TP53BP1: variants seen among roughly 807,000 people sequenced by gnomAD.
The protein encoded by TP53BP1 is TP53-binding protein 1.
TP53BP1 carries 61 observed loss-of-function variants against 200.8 expected under a neutral mutation model. The observed-to-expected ratio is 0.30, with a 90% CI of 0.25 to 0.38. TP53BP1 has a LOEUF of 0.38. TP53BP1 is among the 10% of genes least tolerant of loss of function. The pLI is 1.00. For missense variants in TP53BP1, 2,144 were observed against 2,371.9 expected (o/e 0.90, Z 2.00); for synonymous variants, 822 against 844.3 (o/e 0.97, Z 0.46).
intron 8 of TP53BP1, among the ~76,000 whole-genome samples, chr15:43,476,985 T>C (rs940027020): frequency 1.3e-5 from 2 of 152,184 alleles, no homozygotes; most frequent in South Asian, 2.1e-4. Context: ...TATTGAAGAT[T>C]TGAAGACATA....
chr15:43,472,746 T>C (rs1487507832), intron 10 of TP53BP1, among the ~76,000 whole-genome samples: 1 of 152,218 alleles, frequency 6.6e-6, no homozygotes, highest in Non-Finnish European at 1.5e-5. Context: ...TCATTTCAGT[T>C]CAACTTTAAA....
chr15:43,484,541 T>A (rs1483902917), intron 4 of TP53BP1, among the ~76,000 whole-genome samples: 1 of 152,102 alleles, frequency 6.6e-6, no homozygotes, highest in Non-Finnish European at 1.5e-5. Flanking sequence ...AAGAGCCAAA[T>A]TCCTCACAAT....
intron 16 of TP53BP1, 23 bp from the exon 17 acceptor site, chr15:43,432,700 A>G (rs1250439248): frequency 1.9e-6 from 3 of 1,581,894 alleles, no homozygotes; most frequent in East Asian, 4.5e-5. Flanking sequence ...CATATAAAGA[A>G]GCCATGTCAA....
intron 20 of TP53BP1, 36 bp downstream of exon 20, chr15:43,420,989 A>T (rs1368963417): frequency 2.5e-6 from 4 of 1,588,320 alleles, no homozygotes. Context: ...TGTTTTCTGA[A>T]CAACAGACTA....
intron 4 of TP53BP1, among the ~76,000 whole-genome samples, chr15:43,486,320 G>A (rs750478756): frequency 7.2e-5 from 11 of 152,152 alleles, no homozygotes; most frequent in East Asian, 3.9e-4. Context: ...AGGTTGCCGT[G>A]AGCCAAGATC....
At chr15:43,508,117 T>C (rs1361571137) in intron 1 of TP53BP1, among the ~76,000 whole-genome samples, 1 of 152,222 alleles carries the variant, frequency 6.6e-6, no homozygotes, top group Non-Finnish European at 1.5e-5. Context: ...ATTTCAGCAC[T>C]TTGGGAGGCC....
rs202017703 is a variant in TP53BP1, at chr15:43,407,165, G to A, written c.*218C>T. 4.5e-5 allele frequency: 24 copies of A among 530,388 alleles called. No homozygotes were observed. The East Asian group carries it at 7.5e-4, about 17-fold the overall frequency. The allele number at this position is 530,388 out of a possible 1,614,324, so 32.9% of individuals were successfully genotyped here. On this transcript the variant is annotated 3_prime_UTR_variant, in exon 28 of 28. Coordinates refer to ENST00000382044, the MANE Select transcript of TP53BP1 (RefSeq NM_001141980.3). ...AGACTCAGAGAAAGTACTATGTCTT[G>A]TCATTTGTTCTGAGATTAAGCTCAA...
Position 43,409,748 on chromosome 15 carries a change from T to TAAAA in TP53BP1, c.5306-11_5306-8dup. ...GGAGGAATTTCCAAAAATTCTATAT[T>TAAAA]AAAAAAAAAAACCAAGATAATAATT... is the stretch of plus-strand genomic sequence containing the variant. On this transcript the variant is annotated splice_region_variant and splice_polypyrimidine_tract_variant and intron_variant, in intron 24 of 27. Transcript: ENST00000382044. The TAAAA allele has an allele frequency of 8.2e-7, 1 of 1,223,392 alleles. No homozygotes were observed. The highest frequency in any genetic ancestry group is 1.1e-6 in the Non-Finnish European group (1 of 891,378). 75.8% of individuals were successfully genotyped at this position (1,223,392 alleles called of 1,614,324 possible).
At position 43,492,001 on chromosome 15, in the gene TP53BP1, C is replaced by A; in HGVS notation, c.286+1G>T. 1 of 1,611,526 alleles carries A rather than the reference C, an allele frequency of 6.2e-7. No homozygotes were observed. Among genetic ancestry groups the A allele is most frequent in the South Asian group, 1.1e-5 (1 of 91,014 alleles). On this transcript the variant is annotated splice_donor_variant, in intron 3 of 27. Coordinates refer to ENST00000382044, the MANE Select transcript of TP53BP1 (RefSeq NM_001141980.3). LOFTEE classifies it high-confidence loss of function. The stretch of plus-strand genomic sequence containing the variant: ...GGGACAGATAGCTTTAAACACCTCA[C>A]CTGCAACCTTGTTTTCTTTCAAATG...
intron 11 of TP53BP1, among the ~76,000 whole-genome samples, chr15:43,462,151 G>T (rs955806634): frequency 3.9e-5 from 5 of 127,772 alleles, no homozygotes; most frequent in Admixed American, 9.5e-5. Context: ...GACCAACAAG[G>T]TGAAACCCCA....
At position 43,456,548 on chromosome 15, in the gene TP53BP1, T is replaced by C. The variant is rs757091885; in HGVS notation, c.2060A>G (p.Glu687Gly). The part of the protein sequence containing the change: ...CESQGEELKE[E>G]NMESVPLHLS... Reference sequence around the variant, plus strand: ...GTGCAACGGAACACTCTCCATATTTTCTTCTTTGAGTTCCTCTCCTTGACT... The same window carrying C: ...GTGCAACGGAACACTCTCCATATTTCCTTCTTTGAGTTCCTCTCCTTGACT... The change falls in exon 12 of 28, where the codon GAA becomes GGA. Residue 687 changes from glutamate to glycine, a missense_variant. Around this residue, in one of 4 missense-constraint regions of TP53BP1, gnomAD observed 1,700 missense variants for 1,710.3 expected, o/e 0.99. Coordinates refer to ENST00000382044, the MANE Select transcript of TP53BP1 (RefSeq NM_001141980.3). The C allele has an allele frequency of 1.9e-5, 30 of 1,612,256 alleles. No homozygotes were observed. Among genetic ancestry groups the C allele is most frequent in the Non-Finnish European group, 2.5e-5 (29 of 1,179,266 alleles).
At chr15:43,439,402 G>A (rs767732376) in intron 15 of TP53BP1, among the ~76,000 whole-genome samples, 12 of 152,164 alleles carry the variant, frequency 7.9e-5, no homozygotes, top group Admixed American at 3.3e-4. Flanking sequence ...AGCCCCTGGT[G>A]GCAGGTGCCT....
intron 12 of TP53BP1, among the ~76,000 whole-genome samples, chr15:43,448,346 G>A (rs1356838636): frequency 6.6e-6 from 1 of 151,744 alleles, no homozygotes; most frequent in Non-Finnish European, 1.5e-5. Context: ...TAAGAATTGC[G>A]CCAGACTGCC....
At chr15:43,500,222 T>TACTCC (rs2079202586) in intron 1 of TP53BP1, among the ~76,000 whole-genome samples, 1 of 152,216 alleles carries the variant, frequency 6.6e-6, no homozygotes, top group Non-Finnish European at 1.5e-5. Flanking sequence ...CTACCAAGTC[T>TACTCC]ACTCCACCTG....
upstream of TP53BP1, among the ~76,000 whole-genome samples, chr15:43,495,749 G>A (rs1296885788): frequency 1.3e-5 from 2 of 151,232 alleles, no homozygotes; most frequent in African/African-American, 2.4e-5. Flanking sequence ...CCCGGGAGGC[G>A]GAGCTTGCAG....
intron 11 of TP53BP1, among the ~76,000 whole-genome samples, chr15:43,460,678 CAAT>C (rs1325665740): frequency 5.9e-5 from 9 of 152,076 alleles, no homozygotes; most frequent in African/African-American, 4.8e-5. Flanking sequence ...CAGATTGTAA[CAAT>C]GATCCTAAGT....
Position 43,409,649 on chromosome 15 carries a change from G to C in TP53BP1, c.5398C>G (p.Gln1800Glu), listed in dbSNP as rs1486182961. ...GGTTACACAAAGAAACTCCTCACCT[G>C]GGCTTCATTGAAATCTTCAAGGATA... ...GYILEDFNEA[Q>E]CNTAYQCLLI... Residue 1800 changes from glutamine to glutamate, a missense_variant and splice_region_variant, in exon 25 of 28, where the codon CAG becomes GAG. Transcript: ENST00000382044. 1 of 1,526,484 alleles carries C rather than the reference G, an allele frequency of 6.6e-7. No homozygotes were observed. 94.6% of individuals were successfully genotyped at this position (1,526,484 alleles called of 1,614,324 possible). A position where few individuals can be genotyped will look rare whatever the true frequency, so the allele number is the denominator to read the frequency against.
At chr15:43,491,810 A>C in intron 3 of TP53BP1, 57 bp from the exon 4 acceptor site, 1 of 1,409,432 alleles carries the variant, frequency 7.1e-7, no homozygotes, top group Non-Finnish European at 1.0e-6. Flanking sequence ...ACCTTAATAC[A>C]AAATCAGGAA....
intron 4 of TP53BP1, 139 bp downstream of exon 4, chr15:43,491,526 ACTAT>A (rs2079122528): frequency 7.1e-6 from 5 of 702,754 alleles, no homozygotes; most frequent in Middle Eastern, 4.9e-4. Context: ...CTATTACAAT[ACTAT>A]CTAATACAAC....
Sources: gnomAD v4.1 joint callset for allele counts (sites outside exome capture counted in the v4.1 genomes callset) on GRCh38, gnomAD v4.1.1 for gene constraint, gnomAD v4.1.1 regional missense constraint, MANE v1.5 for transcripts, NCBI Gene and HGNC (gene_info 2026-07-23, HGNC 2026-07-21) for gene names.